Variants in RABL6 observed in about 807,000 individuals in gnomAD.
RABL6 encodes the protein RAB, member RAS oncogene family like 6.
RABL6 carries 28 observed loss-of-function variants against 72.9 expected under a neutral mutation model. The observed-to-expected ratio is 0.38, with a 90% CI of 0.28 to 0.53. RABL6 has a LOEUF of 0.53. Among genes scored for constraint, RABL6 ranks in the 20% least tolerant of loss-of-function variants. The probability of loss-of-function intolerance (pLI) is 0.80; values close to 1 mark genes in which losing one functional copy is unlikely to be tolerated. For missense variants in RABL6, 1,029 were observed against 1,008.4 expected (o/e 1.02, Z -0.28); for synonymous variants, 477 against 421.2 (o/e 1.13, Z -1.62).
intron 1 of RABL6, chr9:136,815,188 T>C: frequency 3.0e-6 from 1 of 335,028 alleles, no homozygotes; most frequent in Non-Finnish European, 5.8e-6. Flanking sequence ...TGCCGTTCTT[T>C]GCCCCCTTGG....
chr9:136,822,759 A>T (rs1004521806), intron 1 of RABL6, among the ~76,000 whole-genome samples: 1 of 152,146 alleles, frequency 6.6e-6, no homozygotes, highest in Non-Finnish European at 1.5e-5. Flanking sequence ...GTTGTGCGTG[A>T]GCTGGGATGC....
intron 1 of RABL6, among the ~76,000 whole-genome samples, chr9:136,816,724 A>AAG (rs1848126727): frequency 8.8e-6 from 1 of 113,126 alleles, no homozygotes; most frequent in Admixed American, 9.0e-5. Context: ...CTCAAAAAAA[A>AAG]GGGGGGGGGG....
Position 136,840,847 on chromosome 9 carries a change from T to C in RABL6, c.*325T>C, listed in dbSNP as rs1848683586. On this transcript the variant is annotated 3_prime_UTR_variant, in exon 15 of 15. Coordinates refer to ENST00000311502, the MANE Select transcript of RABL6 (RefSeq NM_024718.5). ...CAGGAGGGACCTGTGAGGGTCTGTT[T>C]ACAGAGGCTGGGCAGGGGCCGCTTG... is the stretch of plus-strand genomic sequence containing the variant. 4 of 1,543,802 alleles carry C rather than the reference T, an allele frequency of 2.6e-6. No homozygotes were observed. Among genetic ancestry groups the C allele is most frequent in the African/African-American group, 2.7e-5 (2 of 72,900 alleles).
At chr9:136,829,221 CT>C (rs1848420166) in intron 4 of RABL6, among the ~76,000 whole-genome samples, 171 bp from the exon 5 acceptor site, 1 of 152,372 alleles carries the variant, frequency 6.6e-6, no homozygotes, top group African/African-American at 2.4e-5. Flanking sequence ...CCGTCAGACC[CT>C]TTGGGGCAAA....
At chr9:136,819,012 A>G (rs1380458994) in intron 1 of RABL6, among the ~76,000 whole-genome samples, 1 of 152,174 alleles carries the variant, frequency 6.6e-6, no homozygotes, top group Non-Finnish European at 1.5e-5. Flanking sequence ...CCAGGTAGAA[A>G]GAATACTTTC....
intron 5 of RABL6, among the ~76,000 whole-genome samples, chr9:136,831,285 A>C (rs1848468122): frequency 1.3e-5 from 2 of 152,178 alleles, no homozygotes; most frequent in Non-Finnish European, 2.9e-5. Flanking sequence ...CGGCAGCCGC[A>C]GAGGCACCCC....
chr9:136,823,513 T>C lies in RABL6; in HGVS notation c.131-12T>C. 1 of 1,613,184 alleles carries C rather than the reference T, an allele frequency of 6.2e-7. No homozygotes were observed. Among genetic ancestry groups the C allele is most frequent in the Non-Finnish European group, 8.5e-7 (1 of 1,179,646 alleles). On this transcript the variant is annotated splice_polypyrimidine_tract_variant and intron_variant, in intron 1 of 14. Transcript: ENST00000311502. The stretch of plus-strand genomic sequence containing the variant: ...TTTAATTTGCCTTTTCTTTTTCTCT[T>C]CCCGTCCCCAGTGAAGATAGTGATC...
At chr9:136,832,660 C>A in intron 7 of RABL6, 1 of 440,684 alleles carries the variant, frequency 2.3e-6, no homozygotes, top group Non-Finnish European at 4.2e-6. Context: ...GAGATAAGGT[C>A]TTGCTGTGTG....
chr9:136,834,009 C>G, intron 7 of RABL6: 1 of 1,492,418 alleles, frequency 6.7e-7, no homozygotes, highest in South Asian at 1.3e-5. Context: ...AGAACGGGAC[C>G]CTGGACAGAG....
In RABL6 at chr9:136,838,158, G is replaced by C. The variant is rs1020565898; in HGVS notation, c.1280+143G>C. The C allele has an allele frequency of 2.7e-6, 3 of 1,100,030 alleles. No homozygotes were observed. In the African/African-American group the frequency reaches 4.7e-5, roughly 17 times the overall value. The allele number at this position is 1,100,030 out of a possible 1,614,324, so 68.1% of individuals were successfully genotyped here. A position where few individuals can be genotyped will look rare whatever the true frequency, so the allele number is the denominator to read the frequency against. On this transcript the variant is annotated intron_variant, in intron 10 of 14. Transcript: ENST00000311502. ...TTGGCTGAGGACAGAGCAGCTCTGT[G>C]GCTGGAGCAGACGAGGGAAGGGCTT...
In RABL6 at chr9:136,808,240, C is replaced by G; in HGVS notation, c.44C>G (p.Pro15Arg). The G allele has an allele frequency of 6.4e-7, 1 of 1,563,710 alleles. No homozygotes were observed. The highest frequency in any genetic ancestry group is 8.6e-7 in the Non-Finnish European group (1 of 1,156,662). ...AAGCTGGTGGGGTCGGACCAGGCCC[C>G]GGGCCGGGACAAGAACATCCCCGCC... Reference protein sequence around the residue: ...LKKLVGSDQAPGRDKNIPAGL... With the variant: ...LKKLVGSDQARGRDKNIPAGL... The change falls in exon 1 of 15, where the codon CCG becomes CGG. Residue 15 changes from proline (P) to arginine (R), a missense_variant. By Grantham distance (103) the Pro-to-Arg change is moderately radical. This residue lies in a region of RABL6 where 434 missense variants were observed against 536.1 expected (regional missense o/e 0.81). Coordinates refer to ENST00000311502, the MANE Select transcript of RABL6 (RefSeq NM_024718.5).
At chr9:136,814,025 C>G (rs189381906) in intron 1 of RABL6, 3 of 413,940 alleles carry the variant, frequency 7.2e-6, no homozygotes, top group Non-Finnish European at 1.4e-5. Context: ...TTTGGTTTCT[C>G]TAGTTTAATT....
Position 136,837,885 on chromosome 9 carries a change from C to T in RABL6, c.1150C>T (p.Pro384Ser), listed in dbSNP as rs1361912265. 1.9e-6 allele frequency: 3 copies of T among 1,550,230 alleles called. No homozygotes were observed. In the Admixed American group the frequency reaches 5.9e-5, roughly 30 times the overall value. Residue 384 changes from proline (P) to serine (S), a missense_variant, in exon 10 of 15, where the codon CCA becomes TCA. Coordinates refer to ENST00000311502, the MANE Select transcript of RABL6 (RefSeq NM_024718.5). The stretch of plus-strand genomic sequence containing the variant: ...AGAGCCAGTCCCGGCCGCAGAGGGC[C>T]CAGCAACGGTCCAGAGTGTGGAGGA... ...PPEPVPAAEG[P>S]ATVQSVEDFV...
In RABL6 at chr9:136,837,451, C is replaced by T. The variant is rs748094801; in HGVS notation, c.915C>T (p.Gly305=). 7 of 1,566,896 alleles carry T rather than the reference C, an allele frequency of 4.5e-6. No individual in the cohort carries two copies. Among genetic ancestry groups the T allele is most frequent in the Admixed American group, 1.9e-5 (1 of 53,390 alleles). The change falls in exon 9 of 15, where the codon GGC becomes GGT. Residue 305 remains glycine, a synonymous_variant. Transcript: ENST00000311502. ...CCCAGTCACCAGTGGTGCCTGCAGG[C>T]GCTGTGTCCACGGGGAGCTCCAGCC... ...PGSQSPVVPA[G]AVSTGSSSPG... is the part of the protein sequence containing the mutation.
chr9:136,832,638 T>C lies in RABL6; in HGVS notation c.705+268T>C, dbSNP rs536476379. 8.9e-4 allele frequency: 438 copies of C among 494,418 alleles called. 1 individual carries two copies. Among genetic ancestry groups the C allele is most frequent in the South Asian group, 1.7e-3 (86 of 49,722 alleles). 30.6% of individuals were successfully genotyped at this position (494,418 alleles called of 1,614,324 possible). On this transcript the variant is annotated intron_variant, in intron 7 of 14. Coordinates refer to ENST00000311502, the MANE Select transcript of RABL6 (RefSeq NM_024718.5). The stretch of plus-strand genomic sequence containing the variant: ...CAGTTTCCCCCAGTGTTTTTGGTTG[T>C]TTTTGTTTGTTGAGATAAGGTCTTG...
chr9:136,821,341 G>T, intron 1 of RABL6: 1 of 985,364 alleles, frequency 1.0e-6, no homozygotes, highest in Non-Finnish European at 1.2e-6. Flanking sequence ...TCCCGGGAAA[G>T]ACCCGGAGAC....
At chr9:136,836,148 G>T (rs1848581311) in intron 8 of RABL6, 1 of 319,350 alleles carries the variant, frequency 3.1e-6, no homozygotes, top group Non-Finnish European at 5.8e-6. Context: ...CCCATCAGGG[G>T]CTTGGCCTCC....
At chr9:136,818,115 G>C (rs546452709) in intron 1 of RABL6, among the ~76,000 whole-genome samples, 1 of 141,578 alleles carries the variant, frequency 7.1e-6, no homozygotes, top group South Asian at 2.2e-4. Flanking sequence ...TGTAATCCCA[G>C]CACTTTGGGA....
At position 136,826,744 on chromosome 9, in the gene RABL6, A is replaced by G. The variant is rs371995884; in HGVS notation, c.313+918A>G. ...AGAGGTGGCCACCCACCGCCCTATC[A>G]TTGTCCTCATCCCCACTGTGAGGAG... On this transcript the variant is annotated intron_variant, in intron 3 of 14. Coordinates refer to ENST00000311502, the MANE Select transcript of RABL6 (RefSeq NM_024718.5). The surrounding 1 kb of genome is among the most constrained non-coding windows in gnomAD (Gnocchi z 4.9). 6.6e-6 allele frequency: 1 copy of G among 152,088 alleles called. No homozygotes were observed. The highest frequency in any genetic ancestry group is 1.5e-5 in the Non-Finnish European group (1 of 68,068). 9.4% of individuals were successfully genotyped at this position (152,088 alleles called of 1,614,324 possible).
Sources: allele counts gnomAD v4.1 joint callset (sites outside exome capture counted in the v4.1 genomes callset), GRCh38; gene constraint gnomAD v4.1.1; regional missense constraint gnomAD v4.1.1; non-coding constraint Gnocchi (gnomAD v3.1); transcripts MANE v1.5; gene names NCBI Gene and HGNC (gene_info 2026-07-23, HGNC 2026-07-21).